DPP6: variants seen among roughly 807,000 people sequenced by gnomAD.
DPP6 encodes the protein dipeptidyl peptidase like 6, also known as A-type potassium channel modulatory protein DPP6.
DPP6 carries 69 observed loss-of-function variants against 122.6 expected under a neutral mutation model. The ratio of observed to expected loss-of-function variants is 0.56; its 90% CI spans 0.46 to 0.69. The LOEUF is 0.69. Ranked by LOEUF, DPP6 falls within the 30% of genes least tolerant of loss-of-function variation. The probability of loss-of-function intolerance (pLI) is 0.00; values close to 1 mark genes in which losing one functional copy is unlikely to be tolerated. For missense variants in DPP6, 928 were observed against 1,116.9 expected, an observed-to-expected ratio of 0.83 and a Z score of 2.41; for synonymous variants, 418 against 433.1, an observed-to-expected ratio of 0.97 and a Z score of 0.43.
intron 7 of DPP6, among the ~76,000 whole-genome samples, chr7:154,726,122 C>T (rs1842053914): frequency 6.6e-6 from 1 of 152,184 alleles, no homozygotes; most frequent in Non-Finnish European, 1.5e-5. Flanking sequence ...GCATTGAGTG[C>T]CTGGGGCTTT....
intron 8 of DPP6, among the ~76,000 whole-genome samples, chr7:154,751,701 C>G (rs986578890): frequency 3.3e-5 from 5 of 152,050 alleles, no homozygotes; most frequent in Non-Finnish European, 7.3e-5. Context: ...GCAGATAGGA[C>G]AGACACATGT....
intron 1 of DPP6, among the ~76,000 whole-genome samples, chr7:153,925,720 A>G (rs944137592): frequency 1.3e-5 from 2 of 152,150 alleles, no homozygotes; most frequent in Admixed American, 1.3e-4. Context: ...AGGGTCCCCA[A>G]GGTTTGGATG....
intron 17 of DPP6, among the ~76,000 whole-genome samples, chr7:154,860,692 A>C (rs1352102502): frequency 6.6e-6 from 1 of 152,226 alleles, no homozygotes; most frequent in Non-Finnish European, 1.5e-5. Flanking sequence ...CTAACAAAGA[A>C]GGAACAGCCC....
chr7:154,425,627 T>G (rs866183918), intron 1 of DPP6, among the ~76,000 whole-genome samples: 4 of 115,490 alleles, frequency 3.5e-5, no homozygotes, highest in East Asian at 3.4e-4. Flanking sequence ...TGTGGGTGTG[T>G]GTGTGTGTGT....
At chr7:154,601,815 G>T (rs1208589537) in intron 5 of DPP6, among the ~76,000 whole-genome samples, 1 of 120,636 alleles carries the variant, frequency 8.3e-6, no homozygotes, top group African/African-American at 2.6e-5. Flanking sequence ...GTCCAAGGCT[G>T]TTTTTGTACT....
intron 1 of DPP6, among the ~76,000 whole-genome samples, chr7:154,256,121 A>C (rs1585754914): frequency 1.3e-5 from 2 of 152,308 alleles, no homozygotes; most frequent in African/African-American, 4.8e-5. Flanking sequence ...TCCACTGTAG[A>C]CTCGAACATG....
intron 20 of DPP6, among the ~76,000 whole-genome samples, chr7:154,879,394 C>T (rs1359473107): frequency 3.2e-5 from 4 of 126,118 alleles, no homozygotes; most frequent in Non-Finnish European, 6.3e-5. Flanking sequence ...TCCTGGCTAA[C>T]ACGGTGAAAC....
chr7:154,861,646 C>A (rs1375292104), intron 17 of DPP6, among the ~76,000 whole-genome samples: 2 of 152,228 alleles, frequency 1.3e-5, no homozygotes, highest in Non-Finnish European at 2.9e-5. Flanking sequence ...CACTTGTTCA[C>A]ATCAAGCAAT....
At chr7:153,787,395 G>C in the DPP6 span, among the ~76,000 whole-genome samples, 2 of 147,554 alleles carry the variant, frequency 1.4e-5, no homozygotes, top group East Asian at 3.9e-4. Flanking sequence ...CAGAGATGCT[G>C]TTCTTTGTAC....
intron 11 of DPP6, among the ~76,000 whole-genome samples, chr7:154,795,329 TTTTTC>T (rs1797977841): frequency 6.6e-6 from 1 of 152,168 alleles, no homozygotes; most frequent in Non-Finnish European, 1.5e-5. Context: ...TGGAGTTTTG[TTTTTC>T]TTTTGTTTGC....
intron 1 of DPP6, among the ~76,000 whole-genome samples, chr7:153,971,948 G>A (rs947406061): frequency 4.1e-5 from 6 of 147,852 alleles, no homozygotes; most frequent in Admixed American, 1.4e-4. Context: ...GTGAGCTGGG[G>A]CCCTCGTAAG....
At chr7:154,022,373 G>T (rs1330703375) in intron 1 of DPP6, among the ~76,000 whole-genome samples, 8 of 152,194 alleles carry the variant, frequency 5.3e-5, no homozygotes, top group Non-Finnish European at 7.3e-5. Context: ...GTGGAGAGTA[G>T]GGGACACTTG....
At chr7:154,882,832 T>A (rs938074648) in intron 21 of DPP6, among the ~76,000 whole-genome samples, 1 of 152,176 alleles carries the variant, frequency 6.6e-6, no homozygotes, top group Non-Finnish European at 1.5e-5. Context: ...AATGAAAATC[T>A]TCTTTCATTG....
chr7:153,875,734 TA>T, the DPP6 span, among the ~76,000 whole-genome samples: 1 of 151,878 alleles, frequency 6.6e-6, no homozygotes, highest in Non-Finnish European at 1.5e-5. Context: ...GATTTATCAA[TA>T]AACATAATTA....
rs552040288 is a variant in DPP6, at chr7:154,875,535, C to A, written c.1884-371C>A. Among the ~76,000 whole-genome samples the A allele has an allele frequency of 1.3e-5, 2 of 152,312 alleles. No individual in the cohort carries two copies. The highest frequency in any genetic ancestry group is 4.1e-4 in the South Asian group (2 of 4,826). ...TACTGAGAGGTACAGCCTGGGACAT[C>A]TAGAACCCAGGAAAGAGAAACCTTC... is the stretch of plus-strand genomic sequence containing the variant. On this transcript the variant is annotated intron_variant, in intron 19 of 25. Coordinates refer to ENST00000377770, the MANE Select transcript of DPP6 (RefSeq NM_130797.4). This position sits in a 1 kb window ranked among gnomAD's most constrained non-coding sequence, Gnocchi z 4.5.
At chr7:153,887,670 G>A in exon 1 of DPP6, 3 of 1,613,822 alleles carry the variant, frequency 1.9e-6, no homozygotes, top group South Asian at 2.2e-5. Context: ...AGTCGGGTTC[G>A]GACTTGGGGC....
intron 4 of DPP6, among the ~76,000 whole-genome samples, chr7:154,548,492 C>G (rs1055903582): frequency 6.7e-6 from 1 of 148,258 alleles, no homozygotes; most frequent in Non-Finnish European, 1.5e-5. Context: ...GGTGCCATTG[C>G]ACTCCAGCCT....
chr7:153,939,439 A>G (rs141444447), intron 1 of DPP6, among the ~76,000 whole-genome samples: 42 of 152,350 alleles, frequency 2.8e-4, no homozygotes, highest in African/African-American at 8.2e-4. Flanking sequence ...TTTCCAGTCT[A>G]GCAACAAAGT....
At chr7:154,286,746 C>A (rs1367484313) in intron 1 of DPP6, among the ~76,000 whole-genome samples, 1 of 151,504 alleles carries the variant, frequency 6.6e-6, no homozygotes, top group Non-Finnish European at 1.5e-5. Flanking sequence ...TTCCTGGCCT[C>A]CCTGGGGCCA....
Sources: gnomAD v4.1 joint callset for allele counts (sites outside exome capture counted in the v4.1 genomes callset) on GRCh38, gnomAD v4.1.1 for gene constraint, Gnocchi (gnomAD v3.1) non-coding constraint, MANE v1.5 for transcripts, NCBI Gene and HGNC (gene_info 2026-07-23, HGNC 2026-07-21) for gene names.